The following SUMF1 variants were observed in gnomAD, a reference collection of about 807,000 sequenced individuals.
SUMF1 encodes the protein formylglycine-generating enzyme.
SUMF1 carries 48 observed loss-of-function variants against 47.6 expected under a neutral mutation model. The observed-to-expected ratio is 1.01, with a 90% CI of 0.80 to 1.28. The LOEUF (loss-of-function observed/expected upper bound fraction) is 1.28. SUMF1 is among the 50% of genes most tolerant of loss of function. The probability of loss-of-function intolerance (pLI) is 0.00; values close to 1 mark genes in which losing one functional copy is unlikely to be tolerated. For synonymous variants in SUMF1, 230 were observed against 192.1 expected, an observed-to-expected ratio of 1.20 and a Z score of -1.63; for missense variants, 571 against 485.4, an observed-to-expected ratio of 1.18 and a Z score of -1.66.
intron 3 of SUMF1, among the ~76,000 whole-genome samples, chr3:4,430,011 G>A (rs1702185020): frequency 1.3e-5 from 2 of 152,182 alleles, no homozygotes; most frequent in South Asian, 2.1e-4. Flanking sequence ...GATCTGAGAA[G>A]ATATCTACTG....
rs571591268 is a variant in SUMF1, at chr3:4,155,553, G to A, written c.1015-86808C>T. 5.6e-4 allele frequency among the ~76,000 whole-genome samples: 85 copies of A among 151,388 alleles called. 2 individuals are homozygous for A. The highest frequency in any genetic ancestry group is 1.9e-3 in the African/African-American group (79 of 40,826). ...ACCACATTCATGGTGAGAAAATAGC[G>A]GCAGTACAAACTTCCAAGATTTAGT... On this transcript the variant is annotated intron_variant and NMD_transcript_variant, in intron 8 of 12. Transcript: ENST00000448413.
intron 8 of SUMF1, among the ~76,000 whole-genome samples, chr3:4,073,221 T>C (rs931644128): frequency 3.3e-5 from 5 of 152,178 alleles, no homozygotes; most frequent in Admixed American, 2.0e-4. Context: ...CAGAATTTCA[T>C]ATCCAGCCAA....
intron 8 of SUMF1, among the ~76,000 whole-genome samples, chr3:4,287,980 A>G (rs1319783024): frequency 1.3e-5 from 2 of 152,218 alleles, no homozygotes; most frequent in Non-Finnish European, 2.9e-5. Context: ...TCTTCTGCTC[A>G]TCTTTTTAGC....
At chr3:4,320,627 A>T (rs1439707439) in intron 8 of SUMF1, among the ~76,000 whole-genome samples, 1 of 152,188 alleles carries the variant, frequency 6.6e-6, no homozygotes, top group Non-Finnish European at 1.5e-5. Flanking sequence ...TCTTATGTAA[A>T]TAAAGTCTCT....
chr3:4,362,335 G>A (rs970381600), intron 8 of SUMF1, 81 bp from the exon 9 acceptor site: 16 of 1,172,330 alleles, frequency 1.4e-5, no homozygotes, highest in South Asian at 4.9e-5. Context: ...ATATTGCACC[G>A]GCTGTAGACA....
chr3:4,303,185 C>G (rs1698015759), intron 8 of SUMF1: 1 of 531,184 alleles, frequency 1.9e-6, no homozygotes, highest in Non-Finnish European at 3.2e-6. Flanking sequence ...TCTGTGGTGC[C>G]TCTGGCTGAA....
At chr3:4,440,263 A>AAAAAAAAC (rs745740071) in intron 3 of SUMF1, among the ~76,000 whole-genome samples, 1 of 132,150 alleles carries the variant, frequency 7.6e-6, no homozygotes, top group Admixed American at 7.9e-5. Context: ...AAAAAAAAAA[A>AAAAAAAAC]AGATACTGAG....
At chr3:4,321,537 T>G (rs946913459) in intron 8 of SUMF1, among the ~76,000 whole-genome samples, 1 of 119,246 alleles carries the variant, frequency 8.4e-6, no homozygotes, top group Non-Finnish European at 1.8e-5. Flanking sequence ...CAAAGGAGTA[T>G]AGAAACAAAT....
intron 8 of SUMF1, among the ~76,000 whole-genome samples, chr3:4,266,990 T>A (rs1697209084): frequency 6.6e-6 from 1 of 152,096 alleles, no homozygotes; most frequent in African/African-American, 2.4e-5. Flanking sequence ...AATCATGTGG[T>A]TTTTGTCTTT....
chr3:4,129,603 G>A (rs1693737783), intron 8 of SUMF1, among the ~76,000 whole-genome samples: 1 of 152,086 alleles, frequency 6.6e-6, no homozygotes, highest in Non-Finnish European at 1.5e-5. Context: ...CTACAATACT[G>A]AAAATTTATA....
At chr3:4,145,191 T>TAAAAAAAAAAA (rs35699553) in intron 8 of SUMF1, among the ~76,000 whole-genome samples, 1 of 90,510 alleles carries the variant, frequency 1.1e-5, no homozygotes, top group African/African-American at 4.2e-5. Flanking sequence ...AAACTCCGTC[T>TAAAAAAAAAAA]AAAAAAAAAA....
chr3:4,296,978 G>A (rs1444543283), intron 8 of SUMF1, among the ~76,000 whole-genome samples: 2 of 152,134 alleles, frequency 1.3e-5, no homozygotes, highest in Non-Finnish European at 2.9e-5. Context: ...TCACTCATCT[G>A]CTTTATTTTT....
chr3:4,112,707 C>CTA (rs1693336179), intron 8 of SUMF1, among the ~76,000 whole-genome samples: 1 of 152,030 alleles, frequency 6.6e-6, no homozygotes, highest in Admixed American at 6.6e-5. Flanking sequence ...GTTAATGAGG[C>CTA]TATAATCAGC....
intron 1 of SUMF1, among the ~76,000 whole-genome samples, chr3:4,455,233 A>G (rs941506181): frequency 1.3e-5 from 2 of 152,212 alleles, no homozygotes; most frequent in African/African-American, 4.8e-5. Flanking sequence ...CTCATCTATA[A>G]ACAAGGGTTC....
intron 3 of SUMF1, among the ~76,000 whole-genome samples, chr3:4,435,525 T>C (rs537541122): frequency 2.6e-5 from 4 of 152,176 alleles, no homozygotes; most frequent in South Asian, 2.1e-4. Flanking sequence ...ATTAAAAACA[T>C]AAATGGACAC....
chr3:4,440,984 CT>C (rs34444528), intron 3 of SUMF1, among the ~76,000 whole-genome samples: 1 of 151,938 alleles, frequency 6.6e-6, no homozygotes, highest in African/African-American at 2.4e-5. Context: ...AAATACTATC[CT>C]TTTTTTCAAG....
At chr3:4,367,624 G>A (rs892553154) in intron 8 of SUMF1, among the ~76,000 whole-genome samples, 2 of 152,040 alleles carry the variant, frequency 1.3e-5, no homozygotes, top group African/African-American at 4.8e-5. Flanking sequence ...CATGGTACTG[G>A]TACCAAAACA....
At chr3:4,066,860 C>T (rs1378458803) in intron 9 of SUMF1, among the ~76,000 whole-genome samples, 2 of 152,172 alleles carry the variant, frequency 1.3e-5, no homozygotes, top group South Asian at 2.1e-4. Flanking sequence ...CGCATACGAG[C>T]ATAAGACCTA....
At chr3:4,165,149 C>T (rs1694669215) in intron 8 of SUMF1, among the ~76,000 whole-genome samples, 1 of 152,144 alleles carries the variant, frequency 6.6e-6, no homozygotes, top group African/African-American at 2.4e-5. Context: ...TACCAGGTAT[C>T]TCCAAATTCT....
Sources: gnomAD v4.1 joint callset for allele counts (sites outside exome capture counted in the v4.1 genomes callset) on GRCh38, gnomAD v4.1.1 for gene constraint, MANE v1.5 for transcripts, NCBI Gene and HGNC (gene_info 2026-07-23, HGNC 2026-07-21) for gene names.